The following INTS15 variants were observed in gnomAD, a reference collection of about 807,000 sequenced individuals.
The protein encoded by INTS15 is integrator complex subunit 15.
the INTS15 span, chr7:6,594,279 T>C: frequency 8.4e-6 from 6 of 712,514 alleles, no homozygotes; most frequent in South Asian, 1.8e-5. Flanking sequence ...GTGTTGGGAT[T>C]ACAGATATGA....
chr7:6,596,628 C>G, the INTS15 span, among the ~76,000 whole-genome samples: 1 of 151,922 alleles, frequency 6.6e-6, no homozygotes, highest in South Asian at 2.1e-4. Context: ...ATCCACCTGG[C>G]TCAGTCTCCC....
the INTS15 span, among the ~76,000 whole-genome samples, chr7:6,605,189 A>G: frequency 1.3e-5 from 2 of 152,052 alleles, no homozygotes; most frequent in Non-Finnish European, 2.9e-5. Context: ...GGGTTTCGCC[A>G]TGTTGGCCAG....
chr7:6,608,166 G>T, the INTS15 span: 7 of 1,554,644 alleles, frequency 4.5e-6, no homozygotes, highest in Non-Finnish European at 5.2e-6. Context: ...CGCTAGGCTG[G>T]CCCGTGTGTG....
At chr7:6,590,823 CTTTTTTTTTTCTTTCTCTGCCT>C in the INTS15 span, among the ~76,000 whole-genome samples, 11 of 148,944 alleles carry the variant, frequency 7.4e-5, no homozygotes, top group Admixed American at 5.4e-4. Flanking sequence ...ACATCTTTTT[CTTTTTTTTTTCTTTCTCTGCCT>C]TTTTTTTTTT....
At chr7:6,603,283 C>T in the INTS15 span, among the ~76,000 whole-genome samples, 3 of 151,604 alleles carry the variant, frequency 2.0e-5, no homozygotes, top group Non-Finnish European at 2.9e-5. Context: ...TGTGGTGGCT[C>T]ATACCTGTAA....
chr7:6,596,751 C>A, the INTS15 span, among the ~76,000 whole-genome samples: 200 of 151,938 alleles, frequency 1.3e-3, no homozygotes, highest in African/African-American at 4.7e-3. Flanking sequence ...AACATGCAAG[C>A]GCGTGCATAT....
At chr7:6,605,993 C>T in the INTS15 span, among the ~76,000 whole-genome samples, 1 of 151,936 alleles carries the variant, frequency 6.6e-6, no homozygotes, top group South Asian at 2.1e-4. Flanking sequence ...GCCACCACGC[C>T]TGGCCTACCT....
At chr7:6,591,691 A>G in the INTS15 span, 2 of 1,614,188 alleles carry the variant, frequency 1.2e-6, no homozygotes, top group East Asian at 2.2e-5. Flanking sequence ...AATCATGTGC[A>G]ATTATTTCCA....
At chr7:6,590,572 T>C in the INTS15 span, 1 of 1,396,806 alleles carries the variant, frequency 7.2e-7, no homozygotes, top group South Asian at 1.6e-5. Flanking sequence ...GGGCGCCCCA[T>C]GTCCAGGATC....
chr7:6,594,579 G>A, the INTS15 span: 16 of 1,614,048 alleles, frequency 9.9e-6, no homozygotes, highest in East Asian at 4.5e-5. Flanking sequence ...CTCCGTTACC[G>A]CGCTCTATGA....
chr7:6,591,632 G>A, the INTS15 span: 2 of 1,610,326 alleles, frequency 1.2e-6, no homozygotes, highest in South Asian at 2.2e-5. Context: ...GCTTTTCCGG[G>A]ATTTCTTTTG....
chr7:6,591,544 A>G, the INTS15 span: 3 of 1,028,546 alleles, frequency 2.9e-6, no homozygotes, highest in East Asian at 2.5e-5. Context: ...GATTACAGGC[A>G]TGAGCCACCG....
At chr7:6,602,226 G>T in the INTS15 span, 3 of 1,134,664 alleles carry the variant, frequency 2.6e-6, no homozygotes, top group East Asian at 4.9e-5. Context: ...TTTGTCCTGG[G>T]TTCTTTGGGG....
the INTS15 span, chr7:6,599,711 G>C: frequency 2.6e-5 from 25 of 976,504 alleles, 1 homozygote; most frequent in South Asian, 2.5e-4. Flanking sequence ...CAGGAGGCGT[G>C]ATCCAGACCA....
the INTS15 span, chr7:6,599,787 C>G: frequency 4.4e-6 from 7 of 1,583,470 alleles, no homozygotes; most frequent in South Asian, 1.1e-5. Context: ...CCCCTGTCCT[C>G]GAGGCCAAGA....
chr7:6,602,859 C>A, the INTS15 span: 815 of 413,284 alleles, frequency 2.0e-3, 6 homozygotes, highest in African/African-American at 0.015. Flanking sequence ...CTGAAGTCCT[C>A]ATGTGTAAAA....
chr7:6,590,510 C>A, the INTS15 span: 1 of 1,516,702 alleles, frequency 6.6e-7, no homozygotes, highest in Non-Finnish European at 8.8e-7. Context: ...CCGGGCCCCG[C>A]AGGCGGGCGG....
chr7:6,608,089 C>T, the INTS15 span: 2 of 1,572,456 alleles, frequency 1.3e-6, no homozygotes, highest in Non-Finnish European at 1.7e-6. Context: ...CCGCCGCCCA[C>T]CCCGCCCTGC....
the INTS15 span, among the ~76,000 whole-genome samples, chr7:6,604,343 G>A: frequency 6.6e-6 from 1 of 152,302 alleles, no homozygotes; most frequent in African/African-American, 2.4e-5. Context: ...TAGTAAATGA[G>A]CTGTGATACC....
Sources: gnomAD v4.1 joint callset for allele counts (sites outside exome capture counted in the v4.1 genomes callset) on GRCh38, gnomAD v4.1.1 for gene constraint, MANE v1.5 for transcripts, NCBI Gene and HGNC (gene_info 2026-07-23, HGNC 2026-07-21) for gene names.